Variants in PLGRKT observed in about 807,000 individuals in gnomAD.
PLGRKT encodes plasminogen receptor with a C-terminal lysine, also known as plasminogen receptor (KT).
PLGRKT carries 22 observed loss-of-function variants against 18.5 expected under a neutral mutation model. That is an observed-to-expected ratio of 1.19 (90% CI 0.85 to 1.70). The LOEUF (loss-of-function observed/expected upper bound fraction) is 1.70. Ranked by LOEUF, PLGRKT falls within the 40% of genes most tolerant of loss-of-function variation. The pLI, the probability that PLGRKT is intolerant of heterozygous loss-of-function variation, is 0.00. For synonymous variants in PLGRKT, 72 were observed against 52.8 expected (o/e 1.36, Z -1.58); for missense variants, 235 against 174.4 (o/e 1.35, Z -1.96).
chr9:5,437,650 G>A (rs41279565), intron 1 of PLGRKT, 139 bp downstream of exon 1: 3,209 of 152,474 alleles, frequency 0.021, 34 homozygotes, highest in Middle Eastern at 0.047. Flanking sequence ...ACCAGGGGCA[G>A]TGCGAGAGCC....
At chr9:5,426,851 C>G (rs1440671641) in intron 3 of PLGRKT, among the ~76,000 whole-genome samples, 1 of 152,138 alleles carries the variant, frequency 6.6e-6, no homozygotes, top group Non-Finnish European at 1.5e-5. Context: ...CTCAATGTAC[C>G]TCAGCTATGT....
At chr9:5,365,098 G>C (rs943430816) in intron 3 of PLGRKT, among the ~76,000 whole-genome samples, 1 of 142,170 alleles carries the variant, frequency 7.0e-6, no homozygotes, top group African/African-American at 2.7e-5. Context: ...GAAACACCCA[G>C]ACATGATTTC....
In PLGRKT at chr9:5,358,149, A is replaced by T; in HGVS notation, c.*90T>A. On this transcript the variant is annotated 3_prime_UTR_variant, in exon 6 of 6. Transcript: ENST00000223864. The stretch of plus-strand genomic sequence containing the variant: ...TTAATATTTTAAAATAAAATCTATA[A>T]TATCAAAATCTTGAGCATTTAAAAA... 1.2e-6 allele frequency: 1 copy of T among 869,378 alleles called. No homozygotes were observed. Among genetic ancestry groups the T allele is most frequent in the Non-Finnish European group, 1.8e-6 (1 of 562,838 alleles). 53.9% of individuals were successfully genotyped at this position (869,378 alleles called of 1,614,324 possible).
chr9:5,392,924 C>G (rs568440602), intron 3 of PLGRKT, among the ~76,000 whole-genome samples: 24 of 151,862 alleles, frequency 1.6e-4, no homozygotes, highest in African/African-American at 5.8e-4. Context: ...TCACTGCAAC[C>G]TCCACCTCCC....
rs558101515 is a variant in PLGRKT, at chr9:5,358,176, C to T, written c.*63G>A. 3.2e-5 allele frequency: 40 copies of T among 1,259,178 alleles called. No individual in the cohort carries two copies. The African/African-American group carries it at 5.4e-4, about 17-fold the overall frequency. 78.0% of individuals were successfully genotyped at this position (1,259,178 alleles called of 1,614,324 possible). On this transcript the variant is annotated 3_prime_UTR_variant, in exon 6 of 6. Transcript: ENST00000223864. ...ATCAAAATCTTGAGCATTTAAAAAA[C>T]TGTAAAAACCATGATTCAAGTCAAT... is the stretch of plus-strand genomic sequence containing the variant.
In PLGRKT at chr9:5,427,886, G is replaced by A. The variant is rs563595451; in HGVS notation, c.81+4011C>T. 5.3e-5 allele frequency among the ~76,000 whole-genome samples: 8 copies of A among 152,254 alleles called. No individual in the cohort carries two copies. The East Asian group carries it at 1.3e-3, about 26-fold the overall frequency. On this transcript the variant is annotated intron_variant, in intron 3 of 5. Transcript: ENST00000223864. ...TAGTAAATGCTCTTGCCTAGATGGTGGTGAGGATGGGAAAGTGGAATAAGG... is the reference window on the plus strand; with the variant it reads ...TAGTAAATGCTCTTGCCTAGATGGTAGTGAGGATGGGAAAGTGGAATAAGG...
At chr9:5,396,055 G>A (rs901907426) in intron 3 of PLGRKT, among the ~76,000 whole-genome samples, 8 of 151,316 alleles carry the variant, frequency 5.3e-5, no homozygotes, top group East Asian at 3.9e-4. Context: ...CAACATGCCC[G>A]GCTAATTTTT....
At chr9:5,404,206 G>C (rs1489456622) in intron 3 of PLGRKT, among the ~76,000 whole-genome samples, 1 of 152,096 alleles carries the variant, frequency 6.6e-6, no homozygotes, top group Admixed American at 6.5e-5. Flanking sequence ...ACAAAGAAGA[G>C]CTGGTACCAT....
chr9:5,358,898 C>T (rs549450829), intron 5 of PLGRKT, among the ~76,000 whole-genome samples: 90 of 152,208 alleles, frequency 5.9e-4, no homozygotes, highest in African/African-American at 2.0e-3. Context: ...AGCTACACAA[C>T]GCAGTAATTT....
intron 4 of PLGRKT, 112 bp from the exon 5 acceptor site, chr9:5,361,299 A>G: frequency 1.6e-6 from 1 of 620,346 alleles, no homozygotes; most frequent in Non-Finnish European, 2.8e-6. Flanking sequence ...CTTTTCCTTC[A>G]GAAGTTACTT....
intron 3 of PLGRKT, among the ~76,000 whole-genome samples, chr9:5,362,732 T>C (rs1817294705): frequency 6.6e-6 from 1 of 152,174 alleles, no homozygotes; most frequent in African/African-American, 2.4e-5. Context: ...CTCCATGCCC[T>C]CTTTCTACTG....
At chr9:5,390,140 T>C (rs1255498970) in intron 3 of PLGRKT, among the ~76,000 whole-genome samples, 1 of 151,648 alleles carries the variant, frequency 6.6e-6, no homozygotes, top group Non-Finnish European at 1.5e-5. Flanking sequence ...TGGGAGGGTA[T>C]TTTTGCTTAA....
chr9:5,433,567 CGGCTGCCCCGTCTGGG>C (rs1818882493), intron 2 of PLGRKT, among the ~76,000 whole-genome samples: 3 of 132,852 alleles, frequency 2.3e-5, no homozygotes, highest in Non-Finnish European at 3.2e-5. Flanking sequence ...TGCCTCTGCC[CGGCTGCCCCGTCTGGG>C]AAGTGAGGAG....
intron 3 of PLGRKT, among the ~76,000 whole-genome samples, chr9:5,420,085 C>T (rs1318513996): frequency 6.6e-6 from 1 of 152,168 alleles, no homozygotes; most frequent in East Asian, 1.9e-4. Flanking sequence ...ATGGATGAAT[C>T]TTAGAAAGGT....
chr9:5,382,202 G>A lies in PLGRKT; in HGVS notation c.82-20314C>T, dbSNP rs78034284. On this transcript the variant is annotated intron_variant, in intron 3 of 5. Coordinates refer to ENST00000223864, the MANE Select transcript of PLGRKT (RefSeq NM_018465.4). Reference sequence around the variant, plus strand: ...GTTCAGGCAGTCTCCGGATGCTAAGGATGGAAGACAGCACCTGCCCTCATC... The same window carrying A: ...GTTCAGGCAGTCTCCGGATGCTAAGAATGGAAGACAGCACCTGCCCTCATC... 4.6e-3 allele frequency among the ~76,000 whole-genome samples: 701 copies of A among 152,314 alleles called. 4 individuals carry two copies. Among genetic ancestry groups the A allele is most frequent in the African/African-American group, 0.015 (627 of 41,572 alleles).
chr9:5,401,790 G>A (rs1336272440), intron 3 of PLGRKT, among the ~76,000 whole-genome samples: 1 of 151,860 alleles, frequency 6.6e-6, no homozygotes, highest in Non-Finnish European at 1.5e-5. Flanking sequence ...ATCTATATCT[G>A]AAAGGTGACA....
At chr9:5,424,165 A>T (rs1256019681) in intron 3 of PLGRKT, among the ~76,000 whole-genome samples, 1 of 139,438 alleles carries the variant, frequency 7.2e-6, no homozygotes, top group Non-Finnish European at 1.5e-5. Flanking sequence ...AATAATATAT[A>T]TTATATATAG....
intron 3 of PLGRKT, among the ~76,000 whole-genome samples, chr9:5,382,891 A>T (rs1205362285): frequency 6.6e-6 from 1 of 152,138 alleles, no homozygotes. Context: ...GTGGGTGGAG[A>T]AGGAAGGGAA....
chr9:5,437,207 C>T (rs558990451), intron 1 of PLGRKT, among the ~76,000 whole-genome samples: 116 of 152,272 alleles, frequency 7.6e-4, no homozygotes, highest in Admixed American at 1.9e-3. Context: ...GACAACCTTT[C>T]TTCCGGTCAC....
Sources: allele counts gnomAD v4.1 joint callset (sites outside exome capture counted in the v4.1 genomes callset), GRCh38; gene constraint gnomAD v4.1.1; transcripts MANE v1.5; gene names NCBI Gene and HGNC (gene_info 2026-07-23, HGNC 2026-07-21).